NKAIN3: variants seen among roughly 807,000 people sequenced by gnomAD.
The protein encoded by NKAIN3 is sodium/potassium-transporting ATPase subunit beta-1-interacting protein 3.
Under a neutral mutation model 30.2 loss-of-function variants are expected in NKAIN3, and 25 were observed. The observed-to-expected ratio is 0.83, with a 90% CI of 0.60 to 1.16. NKAIN3 has a LOEUF of 1.16. Ranked by LOEUF, NKAIN3 falls within the 50% of genes most tolerant of loss-of-function variation. NKAIN3 has a pLI of 0.00. For synonymous variants in NKAIN3, 91 were observed against 89.6 expected, an observed-to-expected ratio of 1.02 and a Z score of -0.09; for missense variants, 225 against 254.1, an observed-to-expected ratio of 0.89 and a Z score of 0.78.
At chr8:62,912,521 C>T (rs1168215906) in intron 4 of NKAIN3, among the ~76,000 whole-genome samples, 1 of 152,172 alleles carries the variant, frequency 6.6e-6, no homozygotes, top group Non-Finnish European at 1.5e-5. Context: ...AACACATCGA[C>T]CTTCTGCAGC....
At chr8:62,574,825 G>C (rs746474379) in intron 1 of NKAIN3, among the ~76,000 whole-genome samples, 4 of 151,892 alleles carry the variant, frequency 2.6e-5, no homozygotes, top group Middle Eastern at 3.4e-3. Flanking sequence ...TTATATACCC[G>C]TTGGCCATTT....
At chr8:62,783,828 T>C (rs1817432989) in intron 4 of NKAIN3, among the ~76,000 whole-genome samples, 1 of 151,996 alleles carries the variant, frequency 6.6e-6, no homozygotes, top group Non-Finnish European at 1.5e-5. Flanking sequence ...TTTTGTTTTT[T>C]GTTTGTTTGT....
chr8:62,942,213 CACATATATATACATATATAT>C (rs1563638353), intron 5 of NKAIN3, among the ~76,000 whole-genome samples: 9 of 34,846 alleles, frequency 2.6e-4, no homozygotes, highest in Non-Finnish European at 4.9e-4. Context: ...CATATATATA[CACATATATATACATATATAT>C]ACACATATAT....
chr8:62,942,344 A>G (rs549713965), intron 5 of NKAIN3, among the ~76,000 whole-genome samples: 21 of 150,356 alleles, frequency 1.4e-4, no homozygotes, highest in African/African-American at 4.6e-4. Context: ...AAAGACCTCT[A>G]CAAGGAAAAC....
In NKAIN3 at chr8:62,917,321, G is replaced by A. The variant is rs1054891250; in HGVS notation, c.472-1132G>A. 7.2e-5 allele frequency among the ~76,000 whole-genome samples: 11 copies of A among 152,270 alleles called. No homozygotes were observed. In the South Asian group the frequency reaches 2.3e-3, roughly 32 times the overall value. On this transcript the variant is annotated intron_variant, in intron 4 of 6. Coordinates refer to ENST00000623646, the MANE Select transcript of NKAIN3 (RefSeq NM_001304533.3). ...GTTAAGCTCCCCAAGTGCTTTCGCAGCACCCCCTCACCTGGCTTGAGGTGA... is the reference window on the plus strand; with the variant it reads ...GTTAAGCTCCCCAAGTGCTTTCGCAACACCCCCTCACCTGGCTTGAGGTGA...
At chr8:62,282,073 A>T (rs1166057818) in intron 1 of NKAIN3, among the ~76,000 whole-genome samples, 1 of 151,746 alleles carries the variant, frequency 6.6e-6, no homozygotes. Flanking sequence ...CAGAAATTAG[A>T]TGCACAAATC....
chr8:62,671,531 A>G (rs1326178673), intron 3 of NKAIN3, among the ~76,000 whole-genome samples: 1 of 152,150 alleles, frequency 6.6e-6, no homozygotes, highest in Non-Finnish European at 1.5e-5. Flanking sequence ...TTATAATTTT[A>G]TTACTTTCCT....
intron 1 of NKAIN3, among the ~76,000 whole-genome samples, chr8:62,350,320 A>C (rs1272535158): frequency 1.3e-5 from 2 of 152,228 alleles, no homozygotes; most frequent in Non-Finnish European, 2.9e-5. Context: ...ATGCAACAAC[A>C]TGCATGAACC....
chr8:62,248,961 G>GGGGCCGAGGAGCCTGGGCC lies in NKAIN3; in HGVS notation c.-106_-88dup. ...CCCTGGAGCCGCGAGCGGCGGCCGC[G>GGGGCCGAGGAGCCTGGGCC]GGGCCGAGGAGCCTGGGCCGGGCCG... On this transcript the variant is annotated 5_prime_UTR_variant, in exon 1 of 7. Transcript: ENST00000623646. 1.0e-6 allele frequency: 1 copy of GGGGCCGAGGAGCCTGGGCC among 965,880 alleles called. No homozygotes were observed. The highest frequency in any genetic ancestry group is 1.7e-5 in the South Asian group (1 of 58,914). 59.8% of individuals were successfully genotyped at this position (965,880 alleles called of 1,614,324 possible).
chr8:62,329,282 CTT>C (rs1815255407), intron 1 of NKAIN3, among the ~76,000 whole-genome samples: 1 of 152,088 alleles, frequency 6.6e-6, no homozygotes, highest in South Asian at 2.1e-4. Context: ...ATTTGAAAGA[CTT>C]TTCTATACAG....
intron 3 of NKAIN3, among the ~76,000 whole-genome samples, chr8:62,665,365 A>T (rs1261346811): frequency 6.6e-6 from 1 of 151,366 alleles, no homozygotes; most frequent in East Asian, 1.9e-4. Flanking sequence ...GAGATTTACC[A>T]TAAAAAAAAA....
chr8:62,617,456 A>G (rs1039906864), intron 3 of NKAIN3, among the ~76,000 whole-genome samples: 1 of 152,174 alleles, frequency 6.6e-6, no homozygotes, highest in African/African-American at 2.4e-5. Flanking sequence ...CATAAAGTTA[A>G]ACCAGAATGA....
chr8:62,414,608 A>G (rs570998533), intron 1 of NKAIN3, among the ~76,000 whole-genome samples: 2 of 152,296 alleles, frequency 1.3e-5, no homozygotes, highest in South Asian at 4.1e-4. Flanking sequence ...CCAATAAAGT[A>G]CAATAAATAT....
intron 1 of NKAIN3, among the ~76,000 whole-genome samples, chr8:62,477,026 A>G (rs780094632): frequency 6.7e-6 from 1 of 150,350 alleles, no homozygotes; most frequent in Non-Finnish European, 1.5e-5. Context: ...AGGGAAACAT[A>G]GGAAGATACA....
At chr8:62,421,903 T>A in intron 1 of NKAIN3, among the ~76,000 whole-genome samples, 1 of 152,132 alleles carries the variant, frequency 6.6e-6, no homozygotes, top group South Asian at 2.1e-4. Context: ...CAGTATGTGG[T>A]GGGAAGCTGG....
rs558936536 is a variant in NKAIN3 at position 62,930,270 on chromosome 8, G to T, written c.532+11757G>T. ...AACCTCCATTCTACCTTTTTTTTTT[G>T]GAGACAAAGTCTCATTCTTGTCCCC... On this transcript the variant is annotated intron_variant, in intron 5 of 6. Coordinates refer to ENST00000623646, the MANE Select transcript of NKAIN3 (RefSeq NM_001304533.3). 9.3e-3 allele frequency among the ~76,000 whole-genome samples: 1,365 copies of T among 146,732 alleles called. 25 individuals carry two copies. The highest frequency in any genetic ancestry group is 0.033 in the African/African-American group (1,317 of 39,816).
intron 1 of NKAIN3, among the ~76,000 whole-genome samples, chr8:62,477,754 A>C (rs763388079): frequency 6.6e-6 from 1 of 152,122 alleles, no homozygotes. Context: ...GTAATCAACA[A>C]GGCAAGAACC....
chr8:62,268,629 T>A (rs1232040947), intron 1 of NKAIN3, among the ~76,000 whole-genome samples: 2 of 152,180 alleles, frequency 1.3e-5, no homozygotes, highest in East Asian at 3.9e-4. Context: ...TGTGCATAAC[T>A]CTTCATATTT....
chr8:62,778,908 G>T (rs754075652), intron 4 of NKAIN3, among the ~76,000 whole-genome samples: 3 of 152,096 alleles, frequency 2.0e-5, no homozygotes, highest in East Asian at 1.9e-4. Flanking sequence ...AGGCCCAAAG[G>T]CTCTTCAGTT....
Sources: allele counts gnomAD v4.1 joint callset (sites outside exome capture counted in the v4.1 genomes callset), GRCh38; gene constraint gnomAD v4.1.1; transcripts MANE v1.5; gene names NCBI Gene and HGNC (gene_info 2026-07-23, HGNC 2026-07-21).